DOCK8: variants seen among roughly 807,000 people sequenced by gnomAD.
The protein encoded by DOCK8 is dedicator of cytokinesis 8, also known as dedicator of cytokinesis protein 8.
A neutral mutation model predicts 245.6 loss-of-function variants in DOCK8; 141 were observed. The ratio of observed to expected loss-of-function variants is 0.57; its 90% CI spans 0.50 to 0.66. DOCK8 has a LOEUF of 0.66. Ranked by LOEUF, DOCK8 falls within the 30% of genes least tolerant of loss-of-function variation. The pLI is 0.00. For synonymous variants in DOCK8, 1,168 were observed against 970.2 expected, an observed-to-expected ratio of 1.20 and a Z score of -3.79; for missense variants, 2,965 against 2,603.4, an observed-to-expected ratio of 1.14 and a Z score of -3.02.
chr9:453,150 C>A (rs1294918246), intron 46 of DOCK8, among the ~76,000 whole-genome samples: 1 of 152,188 alleles, frequency 6.6e-6, no homozygotes, highest in Non-Finnish European at 1.5e-5. Context: ...CAGGCTTTTG[C>A]GAGAGGTCCG....
At chr9:421,535 C>A (rs1206909161) in intron 32 of DOCK8, among the ~76,000 whole-genome samples, 2 of 152,118 alleles carry the variant, frequency 1.3e-5, no homozygotes, top group Non-Finnish European at 2.9e-5. Flanking sequence ...TTCAGAGTGT[C>A]CCAGTCATTC....
At position 379,907 on chromosome 9, in the gene DOCK8, A is replaced by C. The variant is rs747889175; in HGVS notation, c.2577A>C (p.Pro859=). ...ACGTGCACTACGTCTTCCGCCTGCC[A>C]GAGGTGCAAAGGGATGTGCCCAAGT... ...ASYVHYVFRL[P]EVQRDVPKSG... Residue 859 remains proline, a synonymous_variant, in exon 21 of 48, where the codon CCA becomes CCC. Coordinates refer to ENST00000432829, the MANE Select transcript of DOCK8 (RefSeq NM_203447.4). The C allele has an allele frequency of 3.7e-6, 6 of 1,614,146 alleles. No homozygotes were observed. The Admixed American group carries it at 5.0e-5, about 13-fold the overall frequency.
intron 30 of DOCK8, among the ~76,000 whole-genome samples, chr9:419,162 A>G (rs927897239): frequency 7.9e-5 from 12 of 152,218 alleles, no homozygotes; most frequent in African/African-American, 1.4e-4. Context: ...AATGTAGGGT[A>G]TAGATGTGCA....
At chr9:271,338 C>G (rs941126493) in intron 1 of DOCK8, among the ~76,000 whole-genome samples, 20 of 152,162 alleles carry the variant, frequency 1.3e-4, no homozygotes, top group Middle Eastern at 3.4e-3. Flanking sequence ...AGTCAAATGC[C>G]CTGGATCTTT....
At chr9:377,950 G>A (rs1437976931) in intron 20 of DOCK8, among the ~76,000 whole-genome samples, 7 of 152,166 alleles carry the variant, frequency 4.6e-5, no homozygotes, top group Admixed American at 4.6e-4. Context: ...CTGGTATAGG[G>A]CATCTTTATT....
intron 1 of DOCK8, among the ~76,000 whole-genome samples, chr9:261,784 A>C (rs62531336): frequency 0.07 from 10,657 of 152,150 alleles, 427 homozygotes; most frequent in African/African-American, 0.11. Flanking sequence ...TACTTGGTAC[A>C]TACATATTTA....
intron 1 of DOCK8, among the ~76,000 whole-genome samples, chr9:223,736 A>G (rs1294215812): frequency 6.6e-6 from 1 of 151,890 alleles, no homozygotes. Flanking sequence ...CAGAATTAAC[A>G]TCTGTTAACA....
chr9:418,080 G>T lies in DOCK8; in HGVS notation c.3713G>T (p.Arg1238Leu). ...GTTTTCATTGCAGTTGCAGATACTC[G>T]CAGATACCGCACCAGTGGCTCGGAT... The part of the protein sequence containing the change: ...QLCDFTVADT[R>L]RYRTSGSDEE... The change falls in exon 30 of 48, where the codon CGC becomes CTC. Residue 1238 changes from arginine to leucine, a missense_variant. By Grantham distance (102) the Arg-to-Leu change is moderately radical. Around this residue, in one of 3 missense-constraint regions of DOCK8, gnomAD observed 2,825 missense variants for 2,453.5 expected, o/e 1.15. Coordinates refer to ENST00000432829, the MANE Select transcript of DOCK8 (RefSeq NM_203447.4). 1.9e-6 allele frequency: 3 copies of T among 1,614,156 alleles called. No homozygotes were observed. The highest frequency in any genetic ancestry group is 2.2e-5 in the South Asian group (2 of 91,080).
At chr9:302,021 C>T (rs1019672335) in intron 4 of DOCK8, among the ~76,000 whole-genome samples, 8 of 151,754 alleles carry the variant, frequency 5.3e-5, no homozygotes, top group Non-Finnish European at 1.2e-4. Context: ...TCATGTGGAA[C>T]CAAAAAACCT....
At chr9:336,310 T>A (rs1478040303) in intron 11 of DOCK8, among the ~76,000 whole-genome samples, 1 of 152,232 alleles carries the variant, frequency 6.6e-6, no homozygotes, top group Non-Finnish European at 1.5e-5. Flanking sequence ...TCTGGACTCT[T>A]GCCGGGTGGC....
At chr9:394,023 T>C (rs67258427) in intron 24 of DOCK8, among the ~76,000 whole-genome samples, 3,006 of 152,134 alleles carry the variant, frequency 0.02, 100 homozygotes, top group African/African-American at 0.067. Context: ...GAGACAATCT[T>C]AGAAAAGGAG....
chr9:437,665 T>G (rs142023037), intron 39 of DOCK8, among the ~76,000 whole-genome samples: 2,829 of 152,320 alleles, frequency 0.019, 79 homozygotes, highest in African/African-American at 0.064. Flanking sequence ...TCTGCTCCAA[T>G]GAAATAGAGC....
chr9:234,307 T>C (rs1453504416), intron 1 of DOCK8, among the ~76,000 whole-genome samples: 2 of 152,348 alleles, frequency 1.3e-5, no homozygotes, highest in African/African-American at 4.8e-5. Context: ...TAACCCGACC[T>C]TTCTCTCTGG....
chr9:294,743 G>A (rs1451832547), intron 4 of DOCK8, among the ~76,000 whole-genome samples: 2 of 152,212 alleles, frequency 1.3e-5, no homozygotes, highest in African/African-American at 4.8e-5. Context: ...ACTCAGTTGG[G>A]TAGTAGATAA....
At position 328,024 on chromosome 9, in the gene DOCK8, C is replaced by G. The variant is rs765303604; in HGVS notation, c.897C>G (p.Ile299Met). The change falls in exon 9 of 48, where the codon ATC becomes ATG. Residue 299 changes from isoleucine to methionine, a missense_variant and splice_region_variant. Coordinates refer to ENST00000432829, the MANE Select transcript of DOCK8 (RefSeq NM_203447.4). Reference protein sequence around the residue: ...ALYDVKERKKISENFHCDLNS... With the variant: ...ALYDVKERKKMSENFHCDLNS... ...TTCACTTTGCTGCTCATTTACAGAT[C>G]TCAGAAAATTTTCACTGTGACCTGA... The G allele has an allele frequency of 3.7e-6, 6 of 1,614,026 alleles. No homozygotes were observed. Among genetic ancestry groups the G allele is most frequent in the Non-Finnish European group, 5.1e-6 (6 of 1,179,848 alleles).
chr9:215,038 C>G lies in DOCK8; in HGVS notation c.53+9C>G, dbSNP rs765664430. 6 of 1,572,812 alleles carry G rather than the reference C, an allele frequency of 3.8e-6. No individual in the cohort carries two copies. Among genetic ancestry groups the G allele is most frequent in the South Asian group, 1.1e-5 (1 of 87,420 alleles). On this transcript the variant is annotated intron_variant, in intron 1 of 47. Coordinates refer to ENST00000432829, the MANE Select transcript of DOCK8 (RefSeq NM_203447.4). ...GCGCTCAAGATCAACAGGTAAGACG[C>G]CCCCCGCGGCGCGCAGGTTGCGGCC...
intron 1 of DOCK8, among the ~76,000 whole-genome samples, chr9:237,024 C>T (rs192483541): frequency 2.6e-5 from 4 of 152,354 alleles, no homozygotes; most frequent in African/African-American, 9.6e-5. Flanking sequence ...CCTGGCGGCA[C>T]TTCCAGCAGG....
intron 1 of DOCK8, among the ~76,000 whole-genome samples, chr9:271,018 G>C (rs926056223): frequency 6.6e-6 from 1 of 152,236 alleles, no homozygotes; most frequent in Admixed American, 6.5e-5. Context: ...CCTCTCATGT[G>C]TATGGCTCCC....
chr9:400,938 C>G (rs1407659435), intron 26 of DOCK8, among the ~76,000 whole-genome samples: 1 of 115,620 alleles, frequency 8.6e-6, no homozygotes, highest in Admixed American at 9.1e-5. Flanking sequence ...ACAACATCCA[C>G]CACCACCATC....
Sources: allele counts gnomAD v4.1 joint callset (sites outside exome capture counted in the v4.1 genomes callset), GRCh38; gene constraint gnomAD v4.1.1; regional missense constraint gnomAD v4.1.1; transcripts MANE v1.5; gene names NCBI Gene and HGNC (gene_info 2026-07-23, HGNC 2026-07-21).